Variants in MTCL3 observed in about 807,000 individuals in gnomAD.
MTCL3 encodes microtubule cross-linking factor 3.
the MTCL3 span, chr6:127,481,367 C>T: frequency 4.1e-6 from 4 of 985,304 alleles, no homozygotes; most frequent in Admixed American, 6.1e-5. Context: ...TATATTTGGA[C>T]TTACTAAGGG....
the MTCL3 span, chr6:127,475,908 C>T: frequency 6.2e-7 from 1 of 1,613,418 alleles, no homozygotes; most frequent in South Asian, 1.1e-5. The surrounding 1 kb of genome is among the most constrained non-coding windows in gnomAD (Gnocchi z 7.3). Flanking sequence ...GGCGCGCCGC[C>T]TTCAGCTCCT....
the MTCL3 span, among the ~76,000 whole-genome samples, chr6:127,499,543 A>G: frequency 7.9e-5 from 12 of 152,232 alleles, no homozygotes; most frequent in African/African-American, 2.9e-4. Context: ...ATAATACAAG[A>G]AAGCTTTTCT....
the MTCL3 span, among the ~76,000 whole-genome samples, chr6:127,479,486 G>A: frequency 6.6e-6 from 1 of 152,244 alleles, no homozygotes; most frequent in Non-Finnish European, 1.5e-5. Context: ...TTATTTGCTA[G>A]TATAGTTGGC....
the MTCL3 span, among the ~76,000 whole-genome samples, chr6:127,494,462 G>A: frequency 6.6e-6 from 1 of 152,152 alleles, no homozygotes; most frequent in Admixed American, 6.5e-5. Flanking sequence ...TAACAGTTGA[G>A]GCCTACAAGA....
the MTCL3 span, among the ~76,000 whole-genome samples, chr6:127,504,844 G>T: frequency 6.6e-6 from 1 of 152,154 alleles, no homozygotes; most frequent in Non-Finnish European, 1.5e-5. Flanking sequence ...CAAACATTTG[G>T]ATGTTTAGCT....
the MTCL3 span, among the ~76,000 whole-genome samples, chr6:127,487,480 A>C: frequency 6.6e-6 from 1 of 152,152 alleles, no homozygotes; most frequent in African/African-American, 2.4e-5. Context: ...TGCTGGAAGG[A>C]AACTGAAAAA....
chr6:127,479,474 C>T, the MTCL3 span, among the ~76,000 whole-genome samples: 1 of 152,184 alleles, frequency 6.6e-6, no homozygotes, highest in Admixed American at 6.5e-5. Flanking sequence ...AAGGCAAGGC[C>T]TTTATTTGCT....
chr6:127,481,806 C>T, the MTCL3 span, among the ~76,000 whole-genome samples: 1 of 152,172 alleles, frequency 6.6e-6, no homozygotes, highest in Non-Finnish European at 1.5e-5. Flanking sequence ...ACCCACTGGG[C>T]TGCATTCCCA....
At chr6:127,500,119 T>G in the MTCL3 span, among the ~76,000 whole-genome samples, 1 of 152,230 alleles carries the variant, frequency 6.6e-6, no homozygotes, top group East Asian at 1.9e-4. Flanking sequence ...TCTTTTCATT[T>G]GAACCATCTT....
the MTCL3 span, chr6:127,481,337 G>C: frequency 3.0e-6 from 3 of 985,358 alleles, no homozygotes; most frequent in South Asian, 1.4e-4. Flanking sequence ...AGACAGAGTG[G>C]AAAAGCTGTA....
At chr6:127,484,539 C>T in the MTCL3 span, among the ~76,000 whole-genome samples, 3 of 152,124 alleles carry the variant, frequency 2.0e-5, no homozygotes, top group Admixed American at 1.3e-4. Flanking sequence ...CTACAAGAAG[C>T]GTTGAATTTG....
chr6:127,493,624 C>A, the MTCL3 span, among the ~76,000 whole-genome samples: 2 of 152,284 alleles, frequency 1.3e-5, no homozygotes, highest in East Asian at 3.9e-4. Flanking sequence ...GACAGCTAAA[C>A]CCTTTCTCCA....
At chr6:127,491,526 C>T in the MTCL3 span, among the ~76,000 whole-genome samples, 2 of 152,268 alleles carry the variant, frequency 1.3e-5, no homozygotes, top group African/African-American at 4.8e-5. Context: ...TGTTATTGCA[C>T]ACTTAACAGA....
At chr6:127,503,749 G>GATCTTGGGAGAT in the MTCL3 span, among the ~76,000 whole-genome samples, 1 of 152,134 alleles carries the variant, frequency 6.6e-6, no homozygotes, top group African/African-American at 2.4e-5. Context: ...AAGGTAGTAA[G>GATCTTGGGAGAT]TTCTTGGGAG....
chr6:127,501,488 C>A, the MTCL3 span, among the ~76,000 whole-genome samples: 68 of 152,238 alleles, frequency 4.5e-4, no homozygotes, highest in Middle Eastern at 3.4e-3. Flanking sequence ...CTAATTATTT[C>A]TACTATTATT....
At chr6:127,499,560 A>G in the MTCL3 span, among the ~76,000 whole-genome samples, 2 of 152,242 alleles carry the variant, frequency 1.3e-5, no homozygotes, top group African/African-American at 2.4e-5. Flanking sequence ...TTCTGAAATA[A>G]TGAACACACA....
At chr6:127,476,385 A>C in the MTCL3 span, 1 of 1,613,986 alleles carries the variant, frequency 6.2e-7, no homozygotes, top group Admixed American at 1.7e-5. The surrounding 1 kb of genome is among the most constrained non-coding windows in gnomAD (Gnocchi z 4.4). Flanking sequence ...CCTTTTCTTT[A>C]TCAATCTTGG....
At chr6:127,516,140 C>A in the MTCL3 span, 1 of 1,449,212 alleles carries the variant, frequency 6.9e-7, no homozygotes, top group South Asian at 1.4e-5. Flanking sequence ...GGAGGGGGTT[C>A]CCCGAGTTTC....
At chr6:127,481,499 C>G in the MTCL3 span, 3 of 984,452 alleles carry the variant, frequency 3.0e-6, no homozygotes, top group Non-Finnish European at 3.6e-6. Flanking sequence ...AGAGCAGGAA[C>G]AGAGCAGGTA....
Sources: allele counts gnomAD v4.1 joint callset (sites outside exome capture counted in the v4.1 genomes callset), GRCh38; gene constraint gnomAD v4.1.1; non-coding constraint Gnocchi (gnomAD v3.1); transcripts MANE v1.5; gene names NCBI Gene and HGNC (gene_info 2026-07-23, HGNC 2026-07-21).